NAV2: variants seen among roughly 807,000 people sequenced by gnomAD.
The protein encoded by NAV2 is neuron navigator 2.
NAV2 carries 54 observed loss-of-function variants against 223.2 expected under a neutral mutation model. The observed-to-expected ratio is 0.24, with a 90% CI of 0.19 to 0.30. NAV2 has a LOEUF of 0.30. Ranked by LOEUF, NAV2 falls within the 10% of genes least tolerant of loss-of-function variation. NAV2 has a pLI of 1.00. For missense variants in NAV2, 2,806 were observed against 3,147.5 expected (o/e 0.89, Z 2.60); for synonymous variants, 1,279 against 1,239.3 (o/e 1.03, Z -0.67).
In NAV2 at chr11:19,876,166, C is replaced by T. The variant is rs561652426; in HGVS notation, c.512-3703C>T. Among the ~76,000 whole-genome samples, 8 of 152,234 alleles carry T rather than the reference C, an allele frequency of 5.3e-5. No homozygotes were observed. The East Asian group carries it at 1.4e-3, about 26-fold the overall frequency. ...TCAGCCTCCCAAGTAGGTGGGACTA[C>T]AGGCACGTGCCACCACATCTGGCTA... On this transcript the variant is annotated intron_variant, in intron 4 of 37. Transcript: ENST00000349880.
chr11:19,890,407 G>A (rs893374360), intron 5 of NAV2, among the ~76,000 whole-genome samples: 2 of 152,186 alleles, frequency 1.3e-5, no homozygotes, highest in Admixed American at 6.5e-5. Flanking sequence ...GGTCAGCACA[G>A]CAGGGGCTCT....
chr11:19,388,222 G>A (rs191731481), intron 1 of NAV2, among the ~76,000 whole-genome samples: 3 of 152,308 alleles, frequency 2.0e-5, no homozygotes, highest in Admixed American at 2.0e-4. Flanking sequence ...TGAAACCGTG[G>A]ATTATACAGT....
At chr11:19,571,503 T>A (rs1031609439) in intron 1 of NAV2, among the ~76,000 whole-genome samples, 70 of 152,146 alleles carry the variant, frequency 4.6e-4, no homozygotes, top group Admixed American at 4.5e-3. Context: ...TGTCAGGAGT[T>A]CAAGACCAGC....
At chr11:19,663,202 T>C (rs747403404) in intron 1 of NAV2, among the ~76,000 whole-genome samples, 2 of 152,222 alleles carry the variant, frequency 1.3e-5, no homozygotes, top group African/African-American at 4.8e-5. Flanking sequence ...AGAGAGGGGA[T>C]ATGTATTTTA....
At chr11:19,788,867 A>G (rs996918573) in intron 1 of NAV2, among the ~76,000 whole-genome samples, 2 of 151,978 alleles carry the variant, frequency 1.3e-5, no homozygotes, top group East Asian at 3.9e-4. Context: ...CTTCACAGAG[A>G]CCTTCCCTGA....
intron 1 of NAV2, among the ~76,000 whole-genome samples, chr11:19,530,420 C>G (rs1039802389): frequency 6.6e-6 from 1 of 152,208 alleles, no homozygotes; most frequent in African/African-American, 2.4e-5. Context: ...GTGCTTTACA[C>G]GCATATCATG....
chr11:20,019,768 A>G (rs2054331002), intron 11 of NAV2, among the ~76,000 whole-genome samples: 1 of 152,032 alleles, frequency 6.6e-6, no homozygotes, highest in African/African-American at 2.4e-5. Context: ...TCAAGAAGGG[A>G]GAATCTGTCG....
intron 6 of NAV2, among the ~76,000 whole-genome samples, chr11:19,916,681 G>C (rs2043836172): frequency 6.6e-6 from 1 of 152,242 alleles, no homozygotes; most frequent in South Asian, 2.1e-4. Context: ...GCAAGGGATA[G>C]CAGACTTTCT....
intron 35 of NAV2, 101 bp downstream of exon 35, chr11:20,105,828 G>A (rs2061985182): frequency 2.2e-6 from 2 of 925,840 alleles, no homozygotes. Context: ...GTCAGCAGAA[G>A]CTGGACTGTC....
At chr11:19,725,116 T>C (rs2051131429) in intron 1 of NAV2, among the ~76,000 whole-genome samples, 1 of 152,266 alleles carries the variant, frequency 6.6e-6, no homozygotes, top group African/African-American at 2.4e-5. Flanking sequence ...CAGCATTTTA[T>C]GTGGATTTTC....
intron 31 of NAV2, 82 bp downstream of exon 31, chr11:20,097,827 C>T (rs10833241): frequency 0.32 from 414,700 of 1,283,728 alleles, 74,731 homozygotes; most frequent in Non-Finnish European, 0.36. Context: ...CTTGTGGCCC[C>T]AGTTTTGTTT....
At chr11:19,869,862 A>T (rs71488720) in intron 4 of NAV2, among the ~76,000 whole-genome samples, 1 of 152,196 alleles carries the variant, frequency 6.6e-6, no homozygotes, top group Non-Finnish European at 1.5e-5. Context: ...GGAAACAGCC[A>T]AATTGAGCAG....
At chr11:19,583,637 A>G (rs2045794669) in intron 1 of NAV2, among the ~76,000 whole-genome samples, 1 of 152,182 alleles carries the variant, frequency 6.6e-6, no homozygotes, top group Admixed American at 6.5e-5. Context: ...TGAGATAATC[A>G]TGTGGTTTTT....
At chr11:19,837,544 C>T (rs536257893) in intron 2 of NAV2, among the ~76,000 whole-genome samples, 2 of 152,236 alleles carry the variant, frequency 1.3e-5, no homozygotes, top group South Asian at 2.1e-4. Context: ...GACAGATGGA[C>T]GTCATGTGCT....
At chr11:19,544,575 G>A (rs1343531890) in intron 1 of NAV2, among the ~76,000 whole-genome samples, 1 of 152,186 alleles carries the variant, frequency 6.6e-6, no homozygotes, top group Non-Finnish European at 1.5e-5. Context: ...TTGAACACCT[G>A]TCTATGTTGA....
intron 1 of NAV2, among the ~76,000 whole-genome samples, chr11:19,427,102 G>A (rs1850862216): frequency 6.6e-6 from 1 of 152,106 alleles, no homozygotes; most frequent in African/African-American, 2.4e-5. Context: ...AATGAAAAAC[G>A]ACCCATATCA....
intron 3 of NAV2, among the ~76,000 whole-genome samples, chr11:19,847,653 A>G (rs1189458843): frequency 6.6e-6 from 1 of 152,260 alleles, no homozygotes; most frequent in Admixed American, 6.5e-5. Flanking sequence ...TAAAGATTTC[A>G]TGAAGACTAA....
chr11:19,532,142 G>A (rs1370718015), intron 1 of NAV2, among the ~76,000 whole-genome samples: 6 of 152,160 alleles, frequency 3.9e-5, no homozygotes, highest in African/African-American at 4.8e-5. Flanking sequence ...GGCCCATTTC[G>A]AGCCCAGTGG....
chr11:19,608,586 T>C (rs2046543942), intron 1 of NAV2, among the ~76,000 whole-genome samples: 1 of 152,254 alleles, frequency 6.6e-6, no homozygotes, highest in Non-Finnish European at 1.5e-5. Flanking sequence ...GGAGAAAAGA[T>C]AGCCATATGC....
Sources: allele counts gnomAD v4.1 joint callset (sites outside exome capture counted in the v4.1 genomes callset), GRCh38; gene constraint gnomAD v4.1.1; transcripts MANE v1.5; gene names NCBI Gene and HGNC (gene_info 2026-07-23, HGNC 2026-07-21).